ENTREP2: variants seen among roughly 807,000 people sequenced by gnomAD.
ENTREP2 encodes the protein endosomal transmembrane epsin interactor 2, also known as protein ENTREP2.
At chr15:29,526,996 T>C in the ENTREP2 span, among the ~76,000 whole-genome samples, 1 of 152,220 alleles carries the variant, frequency 6.6e-6, no homozygotes, top group Non-Finnish European at 1.5e-5. Context: ...TTCTCAGTTG[T>C]CACCAACCCA....
chr15:29,639,290 GTC>G, the ENTREP2 span, among the ~76,000 whole-genome samples: 4 of 152,110 alleles, frequency 2.6e-5, no homozygotes, highest in East Asian at 1.9e-4. Flanking sequence ...CAATCTGAAA[GTC>G]TCTCTGTTAC....
chr15:29,651,885 C>T, the ENTREP2 span, among the ~76,000 whole-genome samples: 18 of 152,264 alleles, frequency 1.2e-4, no homozygotes, highest in Admixed American at 2.6e-4. Context: ...AGCAGCAGGA[C>T]GCAGACGGGT....
the ENTREP2 span, among the ~76,000 whole-genome samples, chr15:29,288,255 A>G: frequency 6.6e-6 from 1 of 152,214 alleles, no homozygotes; most frequent in Non-Finnish European, 1.5e-5. Context: ...TTCTGTATGC[A>G]TATTTGTATA....
chr15:29,331,832 C>T, the ENTREP2 span, among the ~76,000 whole-genome samples: 1 of 152,152 alleles, frequency 6.6e-6, no homozygotes, highest in Non-Finnish European at 1.5e-5. Context: ...GGCAGGCACC[C>T]GACAGACCAA....
chr15:29,137,552 C>T, the ENTREP2 span, among the ~76,000 whole-genome samples: 10 of 152,224 alleles, frequency 6.6e-5, no homozygotes, highest in Non-Finnish European at 1.2e-4. Flanking sequence ...GACGGCACTT[C>T]GGCTGGGTGT....
chr15:29,365,250 C>CTTTTTTTT, the ENTREP2 span, among the ~76,000 whole-genome samples: 1 of 142,014 alleles, frequency 7.0e-6, no homozygotes. Flanking sequence ...TAGCTCATTT[C>CTTTTTTTT]TTTTTTTTTT....
At chr15:29,207,274 C>A in the ENTREP2 span, among the ~76,000 whole-genome samples, 1 of 152,158 alleles carries the variant, frequency 6.6e-6, no homozygotes, top group African/African-American at 2.4e-5. Flanking sequence ...GAATTGGTTC[C>A]CGCCCGTGGC....
chr15:29,550,560 T>C, the ENTREP2 span, among the ~76,000 whole-genome samples: 1 of 152,172 alleles, frequency 6.6e-6, no homozygotes, highest in Non-Finnish European at 1.5e-5. Context: ...GCTAGGAAAA[T>C]CATTAATAGT....
chr15:29,358,070 T>C, the ENTREP2 span, among the ~76,000 whole-genome samples: 16 of 152,122 alleles, frequency 1.1e-4, no homozygotes, highest in African/African-American at 3.9e-4. Context: ...AGCAATTTCA[T>C]GTCCAAGTGA....
chr15:29,570,959 G>GGCCGC, the ENTREP2 span, among the ~76,000 whole-genome samples: 198 of 144,734 alleles, frequency 1.4e-3, no homozygotes, highest in Admixed American at 2.4e-3. Context: ...CCCGCCCGCC[G>GGCCGC]GCCGCGCCGC....
chr15:29,213,199 T>C, the ENTREP2 span, among the ~76,000 whole-genome samples: 1 of 152,204 alleles, frequency 6.6e-6, no homozygotes, highest in African/African-American at 2.4e-5. Context: ...TGTAGCCTTG[T>C]AGTATAGTTT....
the ENTREP2 span, among the ~76,000 whole-genome samples, chr15:29,313,655 A>C: frequency 0.26 from 40,015 of 152,114 alleles, 5,518 homozygotes; most frequent in Non-Finnish European, 0.3. Flanking sequence ...TACACCTAAG[A>C]GCCCTGATGG....
chr15:29,248,140 A>T, the ENTREP2 span, among the ~76,000 whole-genome samples: 1 of 152,234 alleles, frequency 6.6e-6, no homozygotes, highest in African/African-American at 2.4e-5. Context: ...GGGAAATACT[A>T]GAGTATTCAG....
At chr15:29,399,782 A>G in the ENTREP2 span, among the ~76,000 whole-genome samples, 1 of 152,222 alleles carries the variant, frequency 6.6e-6, no homozygotes, top group Non-Finnish European at 1.5e-5. Flanking sequence ...CTGTATTCTT[A>G]CAATAAAGAG....
chr15:29,200,061 C>T, the ENTREP2 span, among the ~76,000 whole-genome samples: 5 of 152,268 alleles, frequency 3.3e-5, no homozygotes, highest in East Asian at 1.9e-4. Flanking sequence ...TCTCTTTGTT[C>T]CATTGATCTA....
At chr15:29,652,082 G>A in the ENTREP2 span, among the ~76,000 whole-genome samples, 1 of 152,308 alleles carries the variant, frequency 6.6e-6, no homozygotes, top group East Asian at 1.9e-4. Context: ...GCCCATAAAA[G>A]CCCCAGGCTC....
chr15:29,217,328 T>C, the ENTREP2 span, among the ~76,000 whole-genome samples: 1 of 152,140 alleles, frequency 6.6e-6, no homozygotes, highest in Non-Finnish European at 1.5e-5. Context: ...GAAGAGTCCA[T>C]TCAGATGGAA....
the ENTREP2 span, among the ~76,000 whole-genome samples, chr15:29,664,466 C>A: frequency 6.8e-6 from 1 of 146,832 alleles, no homozygotes; most frequent in South Asian, 2.2e-4. Context: ...TTTTTTTTAG[C>A]GCTCCTGCGC....
the ENTREP2 span, among the ~76,000 whole-genome samples, chr15:29,323,552 C>A: frequency 1.3e-5 from 2 of 152,026 alleles, no homozygotes; most frequent in Admixed American, 6.6e-5. Flanking sequence ...GCTGCTCCAG[C>A]AAATTAATCA....
Sources: gnomAD v4.1 joint callset for allele counts (sites outside exome capture counted in the v4.1 genomes callset) on GRCh38, gnomAD v4.1.1 for gene constraint, MANE v1.5 for transcripts, NCBI Gene and HGNC (gene_info 2026-07-23, HGNC 2026-07-21) for gene names.